Variants in AGBL1 observed in about 807,000 individuals in gnomAD.
AGBL1 encodes the protein cytosolic carboxypeptidase 4.
AGBL1 carries 130 observed loss-of-function variants against 118.9 expected under a neutral mutation model. That is an observed-to-expected ratio of 1.09 (90% CI 0.95 to 1.26). The LOEUF (loss-of-function observed/expected upper bound fraction) is 1.26. AGBL1 is among the 50% of genes most tolerant of loss of function. The probability of loss-of-function intolerance (pLI) is 0.00; values close to 1 mark genes in which losing one functional copy is unlikely to be tolerated. For synonymous variants in AGBL1, 555 were observed against 478.9 expected, an observed-to-expected ratio of 1.16 and a Z score of -2.08; for missense variants, 1,584 against 1,298.1, an observed-to-expected ratio of 1.22 and a Z score of -3.38.
intron 16 of AGBL1, among the ~76,000 whole-genome samples, chr15:86,280,474 T>C (rs1370174526): frequency 6.6e-6 from 1 of 152,214 alleles, no homozygotes; most frequent in Non-Finnish European, 1.5e-5. Context: ...GCTTAAACCA[T>C]GCAGCTTTCT....
intron 18 of AGBL1, among the ~76,000 whole-genome samples, chr15:86,445,114 G>A (rs1004950404): frequency 1.3e-5 from 2 of 152,176 alleles, no homozygotes; most frequent in Non-Finnish European, 2.9e-5. Flanking sequence ...GGGAATGGAT[G>A]TGGCTTACAT....
intron 18 of AGBL1, among the ~76,000 whole-genome samples, chr15:86,460,846 C>T (rs1401571570): frequency 1.3e-5 from 2 of 152,154 alleles, no homozygotes; most frequent in Non-Finnish European, 2.9e-5. Flanking sequence ...AGCAGCTGCT[C>T]CAGTTCTTGT....
intron 17 of AGBL1, among the ~76,000 whole-genome samples, chr15:86,355,624 T>C (rs960405928): frequency 6.6e-6 from 1 of 152,250 alleles, no homozygotes; most frequent in African/African-American, 2.4e-5. Context: ...TATGTGTCTC[T>C]AGTATATATA....
intron 5 of AGBL1, among the ~76,000 whole-genome samples, chr15:86,204,869 T>C (rs1291187858): frequency 6.6e-6 from 1 of 152,132 alleles, no homozygotes; most frequent in Non-Finnish European, 1.5e-5. Flanking sequence ...GGACTACAGG[T>C]ATGAGCCACC....
At chr15:86,250,927 TTGC>T (rs1262192026) in intron 7 of AGBL1, among the ~76,000 whole-genome samples, 1 of 152,164 alleles carries the variant, frequency 6.6e-6, no homozygotes, top group Non-Finnish European at 1.5e-5. Flanking sequence ...TATGCTGCTG[TTGC>T]TGCTGCTGCT....
chr15:86,212,352 G>A (rs1009253336), intron 5 of AGBL1, among the ~76,000 whole-genome samples: 1 of 152,200 alleles, frequency 6.6e-6, no homozygotes, highest in Non-Finnish European at 1.5e-5. Flanking sequence ...CTCAGAGAAG[G>A]AAGAACTTTA....
chr15:86,498,193 CTCTTTAT>C (rs1202751033), intron 18 of AGBL1, among the ~76,000 whole-genome samples: 1 of 151,884 alleles, frequency 6.6e-6, no homozygotes, highest in East Asian at 1.9e-4. Context: ...GTCTGCTTTC[CTCTTTAT>C]AATTGACCCC....
At chr15:86,314,747 C>T (rs2079973367) in intron 17 of AGBL1, among the ~76,000 whole-genome samples, 1 of 152,160 alleles carries the variant, frequency 6.6e-6, no homozygotes, top group South Asian at 2.1e-4. Context: ...ATCCTGAGCA[C>T]CTCACTCAGA....
intron 21 of AGBL1, among the ~76,000 whole-genome samples, chr15:86,654,335 T>C (rs535482623): frequency 1.3e-5 from 2 of 152,300 alleles, no homozygotes; most frequent in African/African-American, 2.4e-5. Context: ...AATAAAGACT[T>C]ATTTTGAGTG....
intron 18 of AGBL1, among the ~76,000 whole-genome samples, chr15:86,489,187 A>T (rs28585088): frequency 0.33 from 49,997 of 151,950 alleles, 11,147 homozygotes; most frequent in African/African-American, 0.64. Flanking sequence ...CTGCCCTGGC[A>T]TCTTTGCCTT....
chr15:86,115,708 C>T lies in AGBL1; in HGVS notation c.52-26296C>T, dbSNP rs149771846. 7.9e-3 allele frequency among the ~76,000 whole-genome samples: 1,200 copies of T among 152,244 alleles called. 23 individuals are homozygous for T. Among genetic ancestry groups the T allele is most frequent in the African/African-American group, 0.027 (1,142 of 41,540 alleles). ...CACTGGAAAGCTCAAGGCTATCTCT[C>T]GGGTTCTCTTTCTTCTCTTCTCTGT... On this transcript the variant is annotated intron_variant, in intron 1 of 22. Coordinates refer to ENST00000614907, the MANE Select transcript of AGBL1 (RefSeq NM_001386094.1).
At chr15:86,587,918 A>G (rs184902323) in intron 21 of AGBL1, among the ~76,000 whole-genome samples, 7 of 152,284 alleles carry the variant, frequency 4.6e-5, no homozygotes, top group East Asian at 3.9e-4. Flanking sequence ...CCAGGCTCCA[A>G]CGACTCACTA....
At chr15:86,835,585 G>GGA (rs1002329641) in intron 22 of AGBL1, among the ~76,000 whole-genome samples, 51 of 151,866 alleles carry the variant, frequency 3.4e-4, no homozygotes, top group African/African-American at 1.1e-3. Context: ...AAAAAAGGGA[G>GGA]GAGAGAGAGA....
chr15:86,082,538 A>G (rs1895355377), intron 1 of AGBL1, among the ~76,000 whole-genome samples: 1 of 152,256 alleles, frequency 6.6e-6, no homozygotes, highest in South Asian at 2.1e-4. Flanking sequence ...AAACACAAGC[A>G]TAACAGAATA....
At chr15:86,775,712 G>T (rs961016451) in intron 22 of AGBL1, among the ~76,000 whole-genome samples, 1 of 152,034 alleles carries the variant, frequency 6.6e-6, no homozygotes, top group Non-Finnish European at 1.5e-5. Flanking sequence ...TTTAACTCAT[G>T]CCAGAAGATT....
At position 86,827,938 on chromosome 15, in the gene AGBL1, C is replaced by CTTTTTTTTTTTTTTTTT. The variant is rs71144074; in HGVS notation, c.3159-79145_3159-79129dup. ...ATAGTCTCTGGCACTTGATGTAGGG[C>CTTTTTTTTTTTTTTTTT]TTTTTTTTTTTTTTTTTTTTGAGAC... On this transcript the variant is annotated intron_variant, in intron 22 of 22. Coordinates refer to ENST00000614907, the MANE Select transcript of AGBL1 (RefSeq NM_001386094.1). Among the ~76,000 whole-genome samples, 22 of 16,758 alleles carry CTTTTTTTTTTTTTTTTT rather than the reference C, an allele frequency of 1.3e-3. 6 individuals are homozygous for CTTTTTTTTTTTTTTTTT. Among genetic ancestry groups the CTTTTTTTTTTTTTTTTT allele is most frequent in the Non-Finnish European group, 1.7e-3 (15 of 8,578 alleles). 11.0% of individuals were successfully genotyped at this position (16,758 alleles called of 152,430 possible). A position where few individuals can be genotyped will look rare whatever the true frequency, so the allele number is the denominator to read the frequency against.
At chr15:86,431,042 G>A (rs181519556) in intron 18 of AGBL1, among the ~76,000 whole-genome samples, 14 of 152,250 alleles carry the variant, frequency 9.2e-5, no homozygotes, top group Non-Finnish European at 1.6e-4. Context: ...GGCGGAGCTG[G>A]GATTAGAACC....
intron 23 of AGBL1, among the ~76,000 whole-genome samples, chr15:86,977,625 G>A (rs575923306): frequency 1.3e-5 from 2 of 151,584 alleles, no homozygotes; most frequent in Admixed American, 6.6e-5. Flanking sequence ...TTTATTTCTT[G>A]TCATTACATT....
chr15:86,217,973 G>T (rs1211711760), intron 5 of AGBL1, among the ~76,000 whole-genome samples: 1 of 152,192 alleles, frequency 6.6e-6, no homozygotes, highest in Non-Finnish European at 1.5e-5. Context: ...AGTGGATATG[G>T]ATAGATTAGT....
Sources: gnomAD v4.1 joint callset for allele counts (sites outside exome capture counted in the v4.1 genomes callset) on GRCh38, gnomAD v4.1.1 for gene constraint, MANE v1.5 for transcripts, NCBI Gene and HGNC (gene_info 2026-07-23, HGNC 2026-07-21) for gene names.